Variants in ERBB4 observed in about 807,000 individuals in gnomAD.
ERBB4 encodes erb-b2 receptor tyrosine kinase 4.
ERBB4 carries 42 observed loss-of-function variants against 158.0 expected under a neutral mutation model. The ratio of observed to expected loss-of-function variants is 0.27; its 90% CI spans 0.21 to 0.34. The LOEUF is 0.34. ERBB4 is among the 10% of genes least tolerant of loss of function. ERBB4 has a pLI of 1.00. For synonymous variants in ERBB4, 583 were observed against 558.7 expected (o/e 1.04, Z -0.61); for missense variants, 1,333 against 1,624.1 (o/e 0.82, Z 3.08).
At chr2:212,190,778 G>A (rs563712725) in intron 1 of ERBB4, among the ~76,000 whole-genome samples, 1 of 152,242 alleles carries the variant, frequency 6.6e-6, no homozygotes, top group Non-Finnish European at 1.5e-5. Context: ...TTTGGATAAA[G>A]TAGGCCATAT....
chr2:211,526,830 C>G (rs2066361360), intron 20 of ERBB4, among the ~76,000 whole-genome samples: 1 of 151,756 alleles, frequency 6.6e-6, no homozygotes, highest in Admixed American at 6.6e-5. Context: ...CTCTTAATAG[C>G]AGAACTAATC....
intron 25 of ERBB4, among the ~76,000 whole-genome samples, chr2:211,393,359 T>C (rs527309129): frequency 5.8e-4 from 89 of 152,272 alleles, no homozygotes; most frequent in African/African-American, 1.9e-3. Flanking sequence ...ACAAAAAAAT[T>C]GTGGAGCAGA....
chr2:211,538,056 T>C (rs955278937), intron 20 of ERBB4, among the ~76,000 whole-genome samples: 1 of 151,952 alleles, frequency 6.6e-6, no homozygotes, highest in South Asian at 2.1e-4. Context: ...CAATAATAGG[T>C]GTCCATACAG....
intron 1 of ERBB4, among the ~76,000 whole-genome samples, chr2:212,443,733 GGATGCTGT>G (rs1394049080): frequency 6.6e-6 from 1 of 152,166 alleles, no homozygotes; most frequent in African/African-American, 2.4e-5. Flanking sequence ...TGGCAAATAG[GGATGCTGT>G]ATGAAGCCTT....
At chr2:211,900,053 T>C (rs1307719184) in intron 3 of ERBB4, among the ~76,000 whole-genome samples, 1 of 152,164 alleles carries the variant, frequency 6.6e-6, no homozygotes, top group Non-Finnish European at 1.5e-5. Context: ...AGGTGTCTTA[T>C]GCCAATTCCC....
chr2:211,589,469 C>T (rs1185535905), intron 19 of ERBB4, among the ~76,000 whole-genome samples: 3 of 152,132 alleles, frequency 2.0e-5, no homozygotes. Context: ...ATCAACCAGA[C>T]TCAGTTCAAA....
chr2:211,997,684 C>T (rs2082231907), intron 2 of ERBB4, among the ~76,000 whole-genome samples: 1 of 151,942 alleles, frequency 6.6e-6, no homozygotes, highest in African/African-American at 2.4e-5. Context: ...CTCTCCCCTT[C>T]TTCCCCTCTG....
intron 2 of ERBB4, among the ~76,000 whole-genome samples, chr2:212,107,916 C>T (rs2079280947): frequency 6.6e-6 from 1 of 152,114 alleles, no homozygotes; most frequent in African/African-American, 2.4e-5. Flanking sequence ...TGAGGCTTCC[C>T]CAGCCACGTG....
intron 1 of ERBB4, among the ~76,000 whole-genome samples, chr2:212,255,232 A>C (rs2084683929): frequency 6.6e-6 from 1 of 152,202 alleles, no homozygotes; most frequent in Non-Finnish European, 1.5e-5. Context: ...ATGACTATGC[A>C]CTATAGCAAT....
intron 4 of ERBB4, among the ~76,000 whole-genome samples, chr2:211,787,106 T>C (rs1011455534): frequency 6.6e-6 from 1 of 152,200 alleles, no homozygotes; most frequent in African/African-American, 2.4e-5. Context: ...TGGAGTTTGA[T>C]TTTTCACAAA....
At chr2:212,486,163 A>T (rs1308491924) in intron 1 of ERBB4, among the ~76,000 whole-genome samples, 2 of 151,126 alleles carry the variant, frequency 1.3e-5, no homozygotes, top group Non-Finnish European at 2.9e-5. Flanking sequence ...TGCAAACAAA[A>T]TAAGGGAGGT....
chr2:211,928,591 G>A (rs900725633), intron 3 of ERBB4, among the ~76,000 whole-genome samples: 2 of 152,066 alleles, frequency 1.3e-5, no homozygotes, highest in Non-Finnish European at 2.9e-5. Flanking sequence ...TTTTACCATC[G>A]GGCCTTCAAG....
chr2:211,383,721 A>G lies in ERBB4; in HGVS notation c.3821T>C (p.Ile1274Thr), dbSNP rs2125308908. The G allele has an allele frequency of 1.2e-6, 2 of 1,614,094 alleles. No individual in the cohort carries two copies. The highest frequency in any genetic ancestry group is 2.2e-5 in the South Asian group (2 of 91,080). The change falls in exon 28 of 28, where the codon ATC becomes ACC. Residue 1274 changes from isoleucine to threonine, a missense_variant. Transcript: ENST00000342788. Reference sequence around the variant, plus strand: ...AGGATTCTCTGCCACAATAGGCCGGATCCGCCCATTCTGTTTATAAAAATA... The same window carrying G: ...AGGATTCTCTGCCACAATAGGCCGGGTCCGCCCATTCTGTTTATAAAAATA... The part of the protein sequence containing the change: ...TKYFYKQNGR[I>T]RPIVAENPEY...
At chr2:211,426,386 A>ACAAGGTTATGCAACTTTATCTGCCTTT (rs2063627588) in intron 22 of ERBB4, among the ~76,000 whole-genome samples, 2 of 152,202 alleles carry the variant, frequency 1.3e-5, no homozygotes, top group African/African-American at 4.8e-5. Context: ...TGCACTGTAA[A>ACAAGGTTATGCAACTTTATCTGCCTTT]CAAGGTTATG....
intron 4 of ERBB4, among the ~76,000 whole-genome samples, chr2:211,755,359 G>A (rs1042694816): frequency 7.9e-5 from 12 of 152,054 alleles, no homozygotes; most frequent in African/African-American, 1.2e-4. Flanking sequence ...AAAATCGGTC[G>A]GGCTTGTTGG....
At chr2:212,302,489 A>G (rs910667070) in intron 1 of ERBB4, among the ~76,000 whole-genome samples, 1 of 151,480 alleles carries the variant, frequency 6.6e-6, no homozygotes, top group African/African-American at 2.4e-5. Context: ...TTGAATTTAC[A>G]AGCCATCAAA....
At position 212,249,812 on chromosome 2, in the gene ERBB4, C is replaced by T. The variant is rs530467758; in HGVS notation, c.83-124909G>A. Among the ~76,000 whole-genome samples the T allele has an allele frequency of 2.0e-5, 3 of 152,048 alleles. No homozygotes were observed. In the South Asian group the frequency reaches 6.2e-4, roughly 32 times the overall value. ...AATATACAAGCTGACCTCAGAAACA[C>T]TGCATATGAAAAGAAATCAGCCGAC... On this transcript the variant is annotated intron_variant, in intron 1 of 27. Coordinates refer to ENST00000342788, the MANE Select transcript of ERBB4 (RefSeq NM_005235.3).
chr2:212,038,001 T>C (rs140249801), intron 2 of ERBB4, among the ~76,000 whole-genome samples: 2 of 152,300 alleles, frequency 1.3e-5, no homozygotes, highest in African/African-American at 4.8e-5. Flanking sequence ...AAAAGTATTG[T>C]TCTTTAATCA....
chr2:211,664,841 C>T (rs1574948396), intron 15 of ERBB4, among the ~76,000 whole-genome samples: 1 of 152,056 alleles, frequency 6.6e-6, no homozygotes, highest in Non-Finnish European at 1.5e-5. Context: ...TTTTTCCCTG[C>T]CATTGTTACC....
Sources: gnomAD v4.1 joint callset for allele counts (sites outside exome capture counted in the v4.1 genomes callset) on GRCh38, gnomAD v4.1.1 for gene constraint, MANE v1.5 for transcripts, NCBI Gene and HGNC (gene_info 2026-07-23, HGNC 2026-07-21) for gene names.